Variants in GRIK1 observed in about 807,000 individuals in gnomAD.
The protein encoded by GRIK1 is glutamate receptor ionotropic, kainate 1.
GRIK1 carries 69 observed loss-of-function variants against 105.7 expected under a neutral mutation model. That is an observed-to-expected ratio of 0.65 (90% confidence interval 0.54 to 0.80). The LOEUF (loss-of-function observed/expected upper bound fraction) is 0.80. Among genes scored for constraint, GRIK1 ranks in the 30% least tolerant of loss-of-function variants. The pLI is 0.00. For synonymous variants in GRIK1, 438 were observed against 431.3 expected, an observed-to-expected ratio of 1.02 and a Z score of -0.19; for missense variants, 1,109 against 1,167.3, an observed-to-expected ratio of 0.95 and a Z score of 0.73.
At chr21:29,550,030 C>T (rs111378365) in intron 16 of GRIK1, among the ~76,000 whole-genome samples, 123 of 147,306 alleles carry the variant, frequency 8.3e-4, no homozygotes, top group African/African-American at 2.9e-3. Context: ...ATTGCTTGAA[C>T]CCAGGAGGCA....
At position 29,867,869 on chromosome 21, in the gene GRIK1, A is replaced by G. The variant is rs60145819; in HGVS notation, c.118+71514T>C. Among the ~76,000 whole-genome samples, 14 of 14,862 alleles carry G rather than the reference A, an allele frequency of 9.4e-4. No homozygotes were observed. The East Asian group carries it at 0.024, about 25-fold the overall frequency. The allele number at this position is 14,862 out of a possible 152,430, so 9.8% of individuals were successfully genotyped here. On this transcript the variant is annotated intron_variant, in intron 1 of 17. Coordinates refer to ENST00000327783, the MANE Select transcript of GRIK1 (RefSeq NM_001330994.2). ...GAAGGAAAGAGAGAAAGAGAGAGAA[A>G]GAGAGAAAGAGAGAGAAAGAGAGAG...
At chr21:29,893,874 T>C (rs1601963501) in intron 1 of GRIK1, among the ~76,000 whole-genome samples, 1 of 152,122 alleles carries the variant, frequency 6.6e-6, no homozygotes, top group East Asian at 1.9e-4. Flanking sequence ...AGGAGAGTCA[T>C]TGGAGAGTCA....
intron 1 of GRIK1, among the ~76,000 whole-genome samples, chr21:29,808,124 T>A (rs1352691328): frequency 6.6e-6 from 1 of 152,140 alleles, no homozygotes; most frequent in African/African-American, 2.4e-5. Context: ...CAGATTACCA[T>A]TTTCATAGAA....
intron 1 of GRIK1, among the ~76,000 whole-genome samples, chr21:29,920,595 T>G (rs771857487): frequency 3.3e-5 from 5 of 152,134 alleles, no homozygotes; most frequent in Non-Finnish European, 7.3e-5. Context: ...AATATTTATT[T>G]GTGTGATCAT....
At chr21:29,795,856 T>C (rs1200300212) in intron 1 of GRIK1, among the ~76,000 whole-genome samples, 1 of 152,198 alleles carries the variant, frequency 6.6e-6, no homozygotes, top group African/African-American at 2.4e-5. Context: ...CTATCAACTT[T>C]TTCTTTTTTT....
intron 1 of GRIK1, among the ~76,000 whole-genome samples, chr21:29,885,635 A>G (rs1274085614): frequency 1.3e-5 from 2 of 152,100 alleles, no homozygotes; most frequent in African/African-American, 4.8e-5. Flanking sequence ...CATAGCATCA[A>G]TGATTACATG....
chr21:29,620,829 T>TA (rs1488106543), intron 7 of GRIK1, among the ~76,000 whole-genome samples: 8 of 85,460 alleles, frequency 9.4e-5, no homozygotes, highest in African/African-American at 8.1e-4. Flanking sequence ...AGTAATAATA[T>TA]ATTATAGTCA....
intron 1 of GRIK1, among the ~76,000 whole-genome samples, chr21:29,837,928 C>T (rs1424440353): frequency 6.6e-6 from 1 of 152,044 alleles, no homozygotes; most frequent in Non-Finnish European, 1.5e-5. Context: ...CTAAAATCCA[C>T]CTTCCAGTAT....
intron 1 of GRIK1, among the ~76,000 whole-genome samples, chr21:29,755,406 G>C (rs553654576): frequency 1.3e-5 from 2 of 152,224 alleles, no homozygotes; most frequent in Admixed American, 6.5e-5. Context: ...GCCAGGCACT[G>C]TTCTTAATAG....
intron 1 of GRIK1, among the ~76,000 whole-genome samples, chr21:29,924,530 C>T (rs1487413011): frequency 6.6e-6 from 1 of 151,978 alleles, no homozygotes; most frequent in Non-Finnish European, 1.5e-5. Context: ...CTATACTGAA[C>T]ACATTATTGG....
intron 1 of GRIK1, among the ~76,000 whole-genome samples, chr21:29,783,428 G>A (rs2066177538): frequency 6.6e-6 from 1 of 151,948 alleles, no homozygotes; most frequent in South Asian, 2.1e-4. Flanking sequence ...ATTTCACTGT[G>A]CATATACATA....
At chr21:29,673,979 C>T (rs363550) in intron 3 of GRIK1, among the ~76,000 whole-genome samples, 1 of 152,072 alleles carries the variant, frequency 6.6e-6, no homozygotes, top group Non-Finnish European at 1.5e-5. Context: ...AAGGCTCCCT[C>T]TTATGTTCCC....
At chr21:29,556,434 AC>A (rs2090257626) in intron 15 of GRIK1, among the ~76,000 whole-genome samples, 1 of 152,168 alleles carries the variant, frequency 6.6e-6, no homozygotes, top group Admixed American at 6.6e-5. Context: ...CTCCATTTCT[AC>A]TTTCCAAATT....
intron 1 of GRIK1, among the ~76,000 whole-genome samples, chr21:29,818,069 G>A (rs1363697995): frequency 6.6e-6 from 1 of 152,000 alleles, no homozygotes; most frequent in Admixed American, 6.6e-5. Flanking sequence ...TCCAAAGTCT[G>A]GAGTCTTAGA....
At chr21:29,785,558 T>C (rs1296106840) in intron 1 of GRIK1, among the ~76,000 whole-genome samples, 3 of 103,588 alleles carry the variant, frequency 2.9e-5, no homozygotes, top group African/African-American at 8.2e-5. Flanking sequence ...AGTGAGACTG[T>C]CTCAAAAAAA....
intron 1 of GRIK1, among the ~76,000 whole-genome samples, chr21:29,890,817 G>A (rs181643003): frequency 6.6e-6 from 1 of 152,036 alleles, no homozygotes; most frequent in East Asian, 1.9e-4. Flanking sequence ...GTAAAAAGAT[G>A]CCCTTGTTAC....
At chr21:29,861,443 C>A (rs1395486473) in intron 1 of GRIK1, among the ~76,000 whole-genome samples, 1 of 152,062 alleles carries the variant, frequency 6.6e-6, no homozygotes, top group Non-Finnish European at 1.5e-5. Flanking sequence ...GTAGTTGGGA[C>A]TACAGGCACA....
At chr21:29,848,779 A>ATATATATATATTTTTTTTTTTT in intron 1 of GRIK1, among the ~76,000 whole-genome samples, 1 of 77,884 alleles carries the variant, frequency 1.3e-5, no homozygotes, top group African/African-American at 5.8e-5. Flanking sequence ...ATATATATAT[A>ATATATATATATTTTTTTTTTTT]TTTTTTTTTT....
chr21:29,558,289 TTTG>T (rs983782971), intron 15 of GRIK1, among the ~76,000 whole-genome samples: 5 of 151,958 alleles, frequency 3.3e-5, no homozygotes, highest in South Asian at 2.1e-4. Flanking sequence ...AACTTAAGTT[TTTG>T]TTGTTGTTGC....
Sources: allele counts gnomAD v4.1 joint callset (sites outside exome capture counted in the v4.1 genomes callset), GRCh38; gene constraint gnomAD v4.1.1; transcripts MANE v1.5; gene names NCBI Gene and HGNC (gene_info 2026-07-23, HGNC 2026-07-21).